PHACTR3: variants seen among roughly 807,000 people sequenced by gnomAD.
The protein encoded by PHACTR3 is protein phosphatase 1, regulatory subunit 123.
A neutral mutation model predicts 66.8 loss-of-function variants in PHACTR3; 16 were observed. The ratio of observed to expected loss-of-function variants is 0.24; its 90% confidence interval spans 0.16 to 0.36. PHACTR3 has a LOEUF of 0.36. Among genes scored for constraint, PHACTR3 ranks in the 10% least tolerant of loss-of-function variants. The probability of loss-of-function intolerance (pLI) is 1.00; values close to 1 mark genes in which losing one functional copy is unlikely to be tolerated. For missense variants in PHACTR3, 647 were observed against 719.9 expected, an observed-to-expected ratio of 0.90 and a Z score of 1.16; for synonymous variants, 323 against 292.1, an observed-to-expected ratio of 1.11 and a Z score of -1.08.
At chr20:59,800,390 T>C (rs1257967835) in intron 7 of PHACTR3, among the ~76,000 whole-genome samples, 1 of 152,170 alleles carries the variant, frequency 6.6e-6, no homozygotes, top group East Asian at 1.9e-4. Flanking sequence ...AAGGTACTTA[T>C]TTTGTCTTTA....
intron 7 of PHACTR3, among the ~76,000 whole-genome samples, chr20:59,784,776 G>A (rs1258727095): frequency 6.6e-6 from 1 of 152,214 alleles, no homozygotes; most frequent in South Asian, 2.1e-4. Context: ...TGCAAAATAG[G>A]AAAACTAAAT....
chr20:59,696,488 C>T (rs936382433), intron 1 of PHACTR3, among the ~76,000 whole-genome samples: 11 of 152,018 alleles, frequency 7.2e-5, no homozygotes, highest in African/African-American at 2.7e-4. Flanking sequence ...CTGTGTCATC[C>T]CTGAGTGTCT....
At position 59,773,434 on chromosome 20, in the gene PHACTR3, A is replaced by T. The variant is rs1445198876; in HGVS notation, c.907A>T (p.Thr303Ser). ...VIEELHRALATKHRQDSFQGR... is the reference protein window; with the variant it reads ...VIEELHRALASKHRQDSFQGR... The stretch of plus-strand genomic sequence containing the variant: ...TGAGGAGCTGCACAGGGCGCTGGCC[A>T]CGAAGCACCGCCAGGACAGGTGAGG... Residue 303 changes from threonine to serine, a missense_variant, in exon 6 of 13, where the codon ACG becomes TCG. Transcript: ENST00000371015. The T allele has an allele frequency of 6.2e-7, 1 of 1,612,306 alleles. No homozygotes were observed. Among genetic ancestry groups the T allele is most frequent in the Middle Eastern group, 1.7e-4 (1 of 6,052 alleles).
intron 8 of PHACTR3, among the ~76,000 whole-genome samples, chr20:59,818,891 C>G (rs1043820440): frequency 6.6e-6 from 1 of 152,186 alleles, no homozygotes; most frequent in Admixed American, 6.5e-5. Context: ...TCATCTTTAG[C>G]AACAACTTTG....
At chr20:59,668,277 C>T (rs570409966) in intron 1 of PHACTR3, among the ~76,000 whole-genome samples, 53 of 151,566 alleles carry the variant, frequency 3.5e-4, no homozygotes, top group African/African-American at 1.1e-3. Flanking sequence ...GAGGTGGGCA[C>T]GTACACCTGT....
chr20:59,578,162 G>A (rs6128630), intron 1 of PHACTR3, among the ~76,000 whole-genome samples: 77,060 of 152,224 alleles, frequency 0.51, 23,040 homozygotes, highest in African/African-American at 0.8. Context: ...TCCAGCTGCA[G>A]TTCAAGGGAT....
At chr20:59,809,124 G>A (rs2041658876) in intron 8 of PHACTR3, among the ~76,000 whole-genome samples, 1 of 152,096 alleles carries the variant, frequency 6.6e-6, no homozygotes, top group Non-Finnish European at 1.5e-5. Flanking sequence ...TCTCCGCTGG[G>A]GAGCTTGAGC....
intron 1 of PHACTR3, among the ~76,000 whole-genome samples, chr20:59,640,977 T>C (rs1032137016): frequency 3.3e-5 from 5 of 152,120 alleles, no homozygotes; most frequent in African/African-American, 1.2e-4. Context: ...TCTATATATA[T>C]GCACATCTAT....
At chr20:59,622,127 C>A (rs571854242) in intron 1 of PHACTR3, among the ~76,000 whole-genome samples, 1 of 150,956 alleles carries the variant, frequency 6.6e-6, no homozygotes, top group African/African-American at 2.4e-5. Context: ...CAGGTGTGCA[C>A]GTGTGGGTAC....
intron 1 of PHACTR3, among the ~76,000 whole-genome samples, chr20:59,715,676 G>A (rs546287647): frequency 6.6e-6 from 1 of 152,246 alleles, no homozygotes; most frequent in East Asian, 1.9e-4. Context: ...TCTGACACTT[G>A]TGTAAGACTG....
In PHACTR3 at chr20:59,833,163, C is replaced by T. The variant is rs116829393; in HGVS notation, c.1329-3342C>T. On this transcript the variant is annotated intron_variant, in intron 8 of 12. Coordinates refer to ENST00000371015, the MANE Select transcript of PHACTR3 (RefSeq NM_080672.5). Reference sequence around the variant, plus strand: ...TGCTCTGTTTACAACCCTGTGCCTCCGGGGCTGTGTCTACCCAGAGGACTG... The same window carrying T: ...TGCTCTGTTTACAACCCTGTGCCTCTGGGGCTGTGTCTACCCAGAGGACTG... Among the ~76,000 whole-genome samples the T allele has an allele frequency of 5.0e-3, 758 of 152,320 alleles. 5 individuals are homozygous for T. Among genetic ancestry groups the T allele is most frequent in the African/African-American group, 0.017 (717 of 41,576 alleles).
At chr20:59,702,229 CTGACCTGGACCCAAA>C (rs1447274744) in intron 1 of PHACTR3, among the ~76,000 whole-genome samples, 3 of 152,156 alleles carry the variant, frequency 2.0e-5, no homozygotes, top group Non-Finnish European at 2.9e-5. Flanking sequence ...AGATGTGCTC[CTGACCTGGACCCAAA>C]TGGCCTGGAC....
intron 3 of PHACTR3, among the ~76,000 whole-genome samples, chr20:59,750,934 C>T (rs2039555897): frequency 6.6e-6 from 1 of 152,222 alleles, no homozygotes; most frequent in African/African-American, 2.4e-5. Flanking sequence ...GCACTAGCTT[C>T]AAAAATGTCT....
chr20:59,589,363 C>T (rs1164574306), intron 1 of PHACTR3, among the ~76,000 whole-genome samples: 2 of 152,188 alleles, frequency 1.3e-5, no homozygotes, highest in Admixed American at 6.5e-5. Flanking sequence ...GAATGGTGGG[C>T]GCCGAGAGAT....
intron 9 of PHACTR3, among the ~76,000 whole-genome samples, chr20:59,840,062 A>G (rs1300951799): frequency 6.6e-6 from 1 of 152,224 alleles, no homozygotes; most frequent in Non-Finnish European, 1.5e-5. Context: ...AAAGACAGAC[A>G]CAGAGGTGTC....
At chr20:59,633,835 T>C (rs2034754662) in intron 1 of PHACTR3, among the ~76,000 whole-genome samples, 1 of 152,164 alleles carries the variant, frequency 6.6e-6, no homozygotes, top group Admixed American at 6.5e-5. Context: ...TTGAGTGGTA[T>C]AATAGGGCGG....
chr20:59,593,187 T>G (rs928351142), intron 1 of PHACTR3, among the ~76,000 whole-genome samples: 2 of 152,236 alleles, frequency 1.3e-5, no homozygotes, highest in African/African-American at 4.8e-5. Context: ...TGTTCTGGAC[T>G]TTGGCCATTC....
chr20:59,600,156 C>T (rs914840099), upstream of PHACTR3, among the ~76,000 whole-genome samples: 2 of 152,210 alleles, frequency 1.3e-5, no homozygotes, highest in African/African-American at 4.8e-5. Context: ...CCGGGGCGCC[C>T]TTCCTCCCTT....
At chr20:59,648,559 G>C (rs2035360269) in intron 1 of PHACTR3, among the ~76,000 whole-genome samples, 1 of 152,192 alleles carries the variant, frequency 6.6e-6, no homozygotes, top group African/African-American at 2.4e-5. Flanking sequence ...GGCTTAATCT[G>C]TTTATCCCAG....
Sources: allele counts gnomAD v4.1 joint callset (sites outside exome capture counted in the v4.1 genomes callset), GRCh38; gene constraint gnomAD v4.1.1; transcripts MANE v1.5; gene names NCBI Gene and HGNC (gene_info 2026-07-23, HGNC 2026-07-21).